The following MARK1 variants were observed in gnomAD, a reference collection of about 807,000 sequenced individuals.
The protein encoded by MARK1 is microtubule affinity regulating kinase 1.
In MARK1, 40 loss-of-function variants were observed where a neutral mutation model predicts 96.3. That is an observed-to-expected ratio of 0.42 (90% CI 0.32 to 0.54). MARK1 has a LOEUF of 0.54. Among genes scored for constraint, MARK1 ranks in the 20% least tolerant of loss-of-function variants. MARK1 has a pLI of 0.16. For synonymous variants in MARK1, 317 were observed against 341.2 expected (o/e 0.93, Z 0.78); for missense variants, 719 against 984.6 (o/e 0.73, Z 3.61).
intron 4 of MARK1, among the ~76,000 whole-genome samples, chr1:220,599,579 T>A (rs917465887): frequency 7.9e-5 from 12 of 152,244 alleles, no homozygotes; most frequent in South Asian, 2.1e-4. Flanking sequence ...GAAACTTAAC[T>A]TTTTCAACTC....
chr1:220,569,051 C>G (rs1320124736), intron 1 of MARK1, among the ~76,000 whole-genome samples: 3 of 152,058 alleles, frequency 2.0e-5, no homozygotes, highest in Non-Finnish European at 4.4e-5. Context: ...AGTTCTATAC[C>G]ATCACCATCA....
chr1:220,580,860 C>T (rs1403326718), intron 2 of MARK1, among the ~76,000 whole-genome samples: 1 of 152,158 alleles, frequency 6.6e-6, no homozygotes, highest in African/African-American at 2.4e-5. Context: ...TTCATTGGCT[C>T]AGGATCAAAA....
At chr1:220,652,222 G>C in intron 15 of MARK1, 72 bp downstream of exon 15, 1 of 1,252,070 alleles carries the variant, frequency 8.0e-7, no homozygotes, top group Non-Finnish European at 1.1e-6. Flanking sequence ...GAAAATACAT[G>C]ATAGTCACCA....
chr1:220,617,196 T>C (rs1666803959), intron 7 of MARK1, among the ~76,000 whole-genome samples: 1 of 152,232 alleles, frequency 6.6e-6, no homozygotes, highest in South Asian at 2.1e-4. Flanking sequence ...ATATATGTGC[T>C]TTTATAGTAT....
chr1:220,618,854 A>T lies in MARK1; in HGVS notation c.909+99A>T, dbSNP rs1666902342. 7.7e-6 allele frequency: 8 copies of T among 1,043,772 alleles called. No homozygotes were observed. The East Asian group carries it at 2.2e-4, about 28-fold the overall frequency. 64.7% of individuals were successfully genotyped at this position (1,043,772 alleles called of 1,614,324 possible). On this transcript the variant is annotated intron_variant, in intron 9 of 17. Transcript: ENST00000366917. This position sits in a 1 kb window ranked among gnomAD's most constrained non-coding sequence, Gnocchi z 4.6. Reference sequence around the variant, plus strand: ...CCTATGTTTTCTTAGGAAAATTGCCAAATTATCTAATCTGCCTTTTGTTTG... The same window carrying T: ...CCTATGTTTTCTTAGGAAAATTGCCTAATTATCTAATCTGCCTTTTGTTTG...
At chr1:220,639,648 C>T (rs1668161441) in intron 13 of MARK1, among the ~76,000 whole-genome samples, 1 of 152,152 alleles carries the variant, frequency 6.6e-6, no homozygotes, top group South Asian at 2.1e-4. Context: ...TCCTCATGCT[C>T]CTCAGTCCAT....
Position 220,635,926 on chromosome 1 carries a change from T to C in MARK1, c.1370T>C (p.Val457Ala), listed in dbSNP as rs200408827. Residue 457 changes from valine to alanine, a missense_variant, in exon 13 of 18, where the codon GTG becomes GCG. Val to Ala is a moderately conservative substitution (Grantham distance 64, BLOSUM62 0). This residue lies in a region of MARK1 where 501 missense variants were observed against 588.3 expected (regional missense o/e 0.85). Transcript: ENST00000366917. The part of the protein sequence containing the change: ...SEQKEEWDKD[V>A]ARKLGSTTVG... Reference sequence around the variant, plus strand: ...CAGAAAGAGGAGTGGGACAAAGATGTGGCTCGAAAACTTGGCAGCACAACA... The same window carrying C: ...CAGAAAGAGGAGTGGGACAAAGATGCGGCTCGAAAACTTGGCAGCACAACA... 1.0e-4 allele frequency: 161 copies of C among 1,613,956 alleles called. No individual in the cohort carries two copies. The highest frequency in any genetic ancestry group is 3.6e-5 in the Non-Finnish European group (43 of 1,180,004).
At chr1:220,576,402 T>C (rs1324103804) in intron 1 of MARK1, among the ~76,000 whole-genome samples, 1 of 135,614 alleles carries the variant, frequency 7.4e-6, no homozygotes, top group Non-Finnish European at 1.6e-5. Context: ...TACCATCATG[T>C]CTAACTCATT....
rs1361408730 is a variant in MARK1, at chr1:220,662,311, T to C, written c.*145T>C. ...AATGCAATAAGGTTATACATAGTTA[T>C]GAACTGTAAAATTAAAGTCAGTATG... On this transcript the variant is annotated 3_prime_UTR_variant, in exon 18 of 18. Transcript: ENST00000366917. 8.2e-6 allele frequency: 5 copies of C among 611,700 alleles called. No individual in the cohort carries two copies. The highest frequency in any genetic ancestry group is 2.7e-5 in the East Asian group (1 of 36,386). The allele number at this position is 611,700 out of a possible 1,614,324, so 37.9% of individuals were successfully genotyped here.
Position 220,559,040 on chromosome 1 carries a change from A to C in MARK1, c.52-20314A>C, listed in dbSNP as rs1319647512. Among the ~76,000 whole-genome samples the C allele has an allele frequency of 3.3e-5, 5 of 152,334 alleles. No individual in the cohort carries two copies. In the Middle Eastern group the frequency reaches 0.01, roughly 311 times the overall value. ...CTAAAATAGGTTAAACAGATAAGGTAAGTAGAAGGAGGAAGTAATGAAAAT... is the reference window on the plus strand; with the variant it reads ...CTAAAATAGGTTAAACAGATAAGGTCAGTAGAAGGAGGAAGTAATGAAAAT... On this transcript the variant is annotated intron_variant, in intron 1 of 17. Coordinates refer to ENST00000366917, the MANE Select transcript of MARK1 (RefSeq NM_018650.5).
At chr1:220,563,733 G>A (rs1247512121) in intron 1 of MARK1, among the ~76,000 whole-genome samples, 6 of 152,088 alleles carry the variant, frequency 3.9e-5, no homozygotes, top group Non-Finnish European at 4.4e-5. Flanking sequence ...GTTAAAAAAC[G>A]TGCCCAAGGT....
intron 3 of MARK1, among the ~76,000 whole-genome samples, chr1:220,584,853 T>C (rs181942052): frequency 6.6e-6 from 1 of 152,318 alleles, no homozygotes; most frequent in African/African-American, 2.4e-5. Context: ...TGGACATATA[T>C]TGAAATATCA....
At chr1:220,570,590 G>A (rs1463608096) in intron 1 of MARK1, among the ~76,000 whole-genome samples, 9 of 152,010 alleles carry the variant, frequency 5.9e-5, no homozygotes, top group Non-Finnish European at 8.8e-5. Flanking sequence ...TATTTTTCTT[G>A]TATAGAGTTA....
intron 6 of MARK1, among the ~76,000 whole-genome samples, chr1:220,606,416 G>A (rs1666084730): frequency 6.6e-6 from 1 of 152,072 alleles, no homozygotes; most frequent in South Asian, 2.1e-4. Flanking sequence ...TGTAGGTTCT[G>A]GATATTAGCC....
At chr1:220,623,417 A>G (rs1294331745) in intron 9 of MARK1, among the ~76,000 whole-genome samples, 2 of 152,342 alleles carry the variant, frequency 1.3e-5, no homozygotes, top group East Asian at 3.9e-4. Context: ...AGTTATTAAC[A>G]GAGTTAAACC....
At chr1:220,571,779 T>G (rs1192425743) in intron 1 of MARK1, 1 of 152,240 alleles carries the variant, frequency 6.6e-6, no homozygotes, top group Non-Finnish European at 1.5e-5. Flanking sequence ...TGGAATGCAG[T>G]GGCTCTTCAC....
chr1:220,557,332 T>C (rs1662339029), intron 1 of MARK1, among the ~76,000 whole-genome samples: 1 of 152,150 alleles, frequency 6.6e-6, no homozygotes, highest in South Asian at 2.1e-4. Context: ...CCTAGCACTT[T>C]GGGAGGCCAA....
chr1:220,617,029 T>C (rs1666793133), intron 7 of MARK1, among the ~76,000 whole-genome samples: 1 of 152,220 alleles, frequency 6.6e-6, no homozygotes, highest in Admixed American at 6.5e-5. Context: ...GATACTTTGA[T>C]ATCCATCCAG....
chr1:220,610,214 A>G (rs1221112601), intron 6 of MARK1, among the ~76,000 whole-genome samples: 1 of 152,142 alleles, frequency 6.6e-6, no homozygotes, highest in African/African-American at 2.4e-5. Flanking sequence ...GTGTTTTCAC[A>G]CAGTCCCGTA....
Sources: allele counts gnomAD v4.1 joint callset (sites outside exome capture counted in the v4.1 genomes callset), GRCh38; gene constraint gnomAD v4.1.1; regional missense constraint gnomAD v4.1.1; non-coding constraint Gnocchi (gnomAD v3.1); transcripts MANE v1.5; gene names NCBI Gene and HGNC (gene_info 2026-07-23, HGNC 2026-07-21).